The following ZNF385D variants were observed in gnomAD, a reference collection of about 807,000 sequenced individuals.
ZNF385D encodes the protein zinc finger protein 659.
Under a neutral mutation model 35.8 loss-of-function variants are expected in ZNF385D, and 15 were observed. The ratio of observed to expected loss-of-function variants is 0.42; its 90% CI spans 0.28 to 0.64. ZNF385D has a LOEUF of 0.64. Ranked by LOEUF, ZNF385D falls within the 30% of genes least tolerant of loss-of-function variation. The pLI is 0.23. For synonymous variants in ZNF385D, 212 were observed against 186.8 expected, an observed-to-expected ratio of 1.13 and a Z score of -1.10; for missense variants, 474 against 494.6, an observed-to-expected ratio of 0.96 and a Z score of 0.39.
At chr3:22,127,052 A>G (rs1024855751) in intron 3 of ZNF385D, among the ~76,000 whole-genome samples, 4 of 151,896 alleles carry the variant, frequency 2.6e-5, no homozygotes, top group Non-Finnish European at 4.4e-5. Context: ...CATTATTTTC[A>G]GTCTATTGTG....
At chr3:21,930,612 G>T (rs1700959052) in intron 3 of ZNF385D, among the ~76,000 whole-genome samples, 2 of 152,084 alleles carry the variant, frequency 1.3e-5, no homozygotes, top group Admixed American at 1.3e-4. Context: ...AATCAAGGTA[G>T]TATGACAATG....
intron 3 of ZNF385D, among the ~76,000 whole-genome samples, chr3:21,802,873 T>A (rs141840929): frequency 1.9e-4 from 29 of 152,302 alleles, no homozygotes; most frequent in African/African-American, 6.7e-4. Flanking sequence ...ATGTAAGTGC[T>A]CAAGGTTTTG....
chr3:22,151,227 A>T (rs1197492363), intron 3 of ZNF385D, among the ~76,000 whole-genome samples: 1 of 152,158 alleles, frequency 6.6e-6, no homozygotes, highest in Non-Finnish European at 1.5e-5. Flanking sequence ...CATCACAGAC[A>T]CATTTGGATA....
chr3:21,960,559 A>G (rs1263340270), intron 3 of ZNF385D, among the ~76,000 whole-genome samples: 6 of 152,164 alleles, frequency 3.9e-5, no homozygotes, highest in Non-Finnish European at 7.4e-5. Flanking sequence ...TAAAACTACC[A>G]TAAGATCCAG....
chr3:22,306,277 T>C (rs113751683), intron 2 of ZNF385D, among the ~76,000 whole-genome samples: 1 of 152,088 alleles, frequency 6.6e-6, no homozygotes, highest in Non-Finnish European at 1.5e-5. Context: ...GTGAAGCTTC[T>C]CAGACTCTTG....
chr3:21,741,872 C>G (rs1399461652), intron 1 of ZNF385D, among the ~76,000 whole-genome samples: 1 of 152,118 alleles, frequency 6.6e-6, no homozygotes. Context: ...GCCTCTAAGT[C>G]TGAACTCTCC....
chr3:21,576,825 GCTTT>G (rs1559423977), intron 2 of ZNF385D, among the ~76,000 whole-genome samples: 2 of 152,098 alleles, frequency 1.3e-5, no homozygotes, highest in African/African-American at 2.4e-5. Context: ...CTATTAATGA[GCTTT>G]CTTTTTCTGT....
chr3:22,279,985 C>G (rs1701654091), intron 2 of ZNF385D, among the ~76,000 whole-genome samples: 1 of 151,916 alleles, frequency 6.6e-6, no homozygotes, highest in African/African-American at 2.4e-5. Context: ...ATTCTTGCAG[C>G]ATAAGGTTGT....
chr3:21,435,426 A>AT (rs1418584588), intron 5 of ZNF385D, among the ~76,000 whole-genome samples: 1 of 151,194 alleles, frequency 6.6e-6, no homozygotes, highest in African/African-American at 2.4e-5. Flanking sequence ...CCCAGCTAAC[A>AT]TTTTTTTTCA....
intron 3 of ZNF385D, among the ~76,000 whole-genome samples, chr3:21,994,232 A>T (rs1333287762): frequency 1.3e-5 from 2 of 152,156 alleles, no homozygotes; most frequent in African/African-American, 2.4e-5. Context: ...AGATCTACAT[A>T]CTGTTTTTAC....
chr3:22,197,613 G>T (rs1696506407), intron 2 of ZNF385D, among the ~76,000 whole-genome samples: 1 of 152,114 alleles, frequency 6.6e-6, no homozygotes, highest in Non-Finnish European at 1.5e-5. Flanking sequence ...AGAGTCAGGT[G>T]AAAGTCTGGA....
chr3:21,839,629 C>T (rs868438547), intron 3 of ZNF385D, among the ~76,000 whole-genome samples: 6 of 152,150 alleles, frequency 3.9e-5, no homozygotes, highest in Middle Eastern at 3.4e-3. Flanking sequence ...TATTTCTTGC[C>T]CCACACAATG....
chr3:21,593,571 ATCTT>A (rs1239676894), intron 2 of ZNF385D, among the ~76,000 whole-genome samples: 1 of 152,118 alleles, frequency 6.6e-6, no homozygotes, highest in African/African-American at 2.4e-5. Flanking sequence ...TTAGTAGTAA[ATCTT>A]TCTTTCTGAA....
rs188210752 is a variant in ZNF385D at position 22,082,442 on chromosome 3, C to T, written c.325+86375G>A. On this transcript the variant is annotated intron_variant, in intron 3 of 5. Transcript: ENST00000494108. ...TGGGTCCCATGCCCAGGGAGACTTG[C>T]TCACTGCTAGTGCAGCAGTCCGAGA... Among the ~76,000 whole-genome samples, 136 of 152,286 alleles carry T rather than the reference C, an allele frequency of 8.9e-4. No individual in the cohort carries two copies. The Middle Eastern group carries it at 0.02, about 23-fold the overall frequency.
intron 3 of ZNF385D, among the ~76,000 whole-genome samples, chr3:22,123,553 T>C (rs1454362303): frequency 1.3e-5 from 2 of 152,154 alleles, no homozygotes; most frequent in Non-Finnish European, 2.9e-5. Flanking sequence ...ATATAAAATG[T>C]ACAACAAAAA....
At chr3:22,285,008 TGTTTA>T (rs1182115699) in intron 2 of ZNF385D, among the ~76,000 whole-genome samples, 22 of 152,252 alleles carry the variant, frequency 1.4e-4, no homozygotes, top group Admixed American at 2.6e-4. Context: ...ACTGAATGAA[TGTTTA>T]GTTTACTGAA....
At chr3:21,558,983 C>G (rs2062841206) in intron 3 of ZNF385D, among the ~76,000 whole-genome samples, 1 of 132,078 alleles carries the variant, frequency 7.6e-6, no homozygotes, top group African/African-American at 3.1e-5. Flanking sequence ...AGGATTGCAA[C>G]CCCTGCTTTT....
chr3:22,297,338 C>T (rs745570456), intron 2 of ZNF385D, among the ~76,000 whole-genome samples: 18 of 152,094 alleles, frequency 1.2e-4, no homozygotes, highest in Non-Finnish European at 2.1e-4. Context: ...CTGAAAAAAG[C>T]TATCTTTTGG....
At position 22,093,357 on chromosome 3, in the gene ZNF385D, A is replaced by G. The variant is rs1701429488; in HGVS notation, c.325+75460T>C. ...ATGGATACAAATAAAATATTATTAA[A>G]TACATATAAAATATAGTTATAATTT... On this transcript the variant is annotated intron_variant, in intron 3 of 5. Transcript: ENST00000494108. Among the ~76,000 whole-genome samples the G allele has an allele frequency of 2.0e-5, 3 of 151,772 alleles. No individual in the cohort carries two copies. In the South Asian group the frequency reaches 6.2e-4, roughly 31 times the overall value.
Sources: allele counts gnomAD v4.1 joint callset (sites outside exome capture counted in the v4.1 genomes callset), GRCh38; gene constraint gnomAD v4.1.1; transcripts MANE v1.5; gene names NCBI Gene and HGNC (gene_info 2026-07-23, HGNC 2026-07-21).